The following ZNF385D variants were observed in gnomAD, a reference collection of about 807,000 sequenced individuals.
The protein encoded by ZNF385D is zinc finger protein 385D, also known as zinc finger protein 659.
Under a neutral mutation model 35.8 loss-of-function variants are expected in ZNF385D, and 15 were observed. That is an observed-to-expected ratio of 0.42 (90% CI 0.28 to 0.64). The LOEUF (loss-of-function observed/expected upper bound fraction) is 0.64, where lower values mean the gene tolerates loss of function less well. Among genes scored for constraint, ZNF385D ranks in the 30% least tolerant of loss-of-function variants. The probability of loss-of-function intolerance (pLI) is 0.23; values close to 1 mark genes in which losing one functional copy is unlikely to be tolerated. For synonymous variants in ZNF385D, 212 were observed against 186.8 expected (o/e 1.13, Z -1.10); for missense variants, 474 against 494.6 (o/e 0.96, Z 0.39).
chr3:21,633,309 G>C (rs1224990969), intron 2 of ZNF385D, among the ~76,000 whole-genome samples: 3 of 151,928 alleles, frequency 2.0e-5, no homozygotes, highest in Admixed American at 6.6e-5. Context: ...CCAAATTATT[G>C]TGTATGTCAA....
intron 4 of ZNF385D, among the ~76,000 whole-genome samples, chr3:21,453,219 A>C (rs1044036227): frequency 1.3e-4 from 20 of 151,920 alleles, no homozygotes; most frequent in African/African-American, 4.6e-4. Context: ...CATGTCATTC[A>C]AAATGGATCA....
intron 2 of ZNF385D, among the ~76,000 whole-genome samples, chr3:22,350,356 G>T (rs574027520): frequency 6.6e-6 from 1 of 152,178 alleles, no homozygotes; most frequent in East Asian, 1.9e-4. Context: ...TAACCCTTTA[G>T]GATGGGATTA....
In ZNF385D at chr3:22,242,435, T is replaced by C. The variant is rs186844461; in HGVS notation, c.107-73400A>G. ...TTAACATCACCAGTAATAAGTTTTATGGATATCACGTAAACCCTGAAATGA... is the reference window on the plus strand; with the variant it reads ...TTAACATCACCAGTAATAAGTTTTACGGATATCACGTAAACCCTGAAATGA... On this transcript the variant is annotated intron_variant, in intron 2 of 5. Transcript: ENST00000494108. Among the ~76,000 whole-genome samples, 96 of 151,000 alleles carry C rather than the reference T, an allele frequency of 6.4e-4. 2 individuals carry two copies. The highest frequency in any genetic ancestry group is 1.4e-3 in the Admixed American group (21 of 15,146).
chr3:22,105,261 G>A (rs1314404005), intron 3 of ZNF385D, among the ~76,000 whole-genome samples: 1 of 150,270 alleles, frequency 6.7e-6, no homozygotes, highest in Admixed American at 6.6e-5. Flanking sequence ...GCCAAATAGT[G>A]TACATTTAAC....
chr3:21,790,120 G>T (rs2071866636), intron 3 of ZNF385D, among the ~76,000 whole-genome samples: 1 of 151,954 alleles, frequency 6.6e-6, no homozygotes, highest in Non-Finnish European at 1.5e-5. Context: ...TGGATAAAAA[G>T]ACTTTGGGAG....
At chr3:21,681,673 C>A in intron 1 of ZNF385D, among the ~76,000 whole-genome samples, 1 of 125,486 alleles carries the variant, frequency 8.0e-6, no homozygotes, top group African/African-American at 3.0e-5. Context: ...TAAAAGAATC[C>A]AGACTAAGAA....
intron 1 of ZNF385D, among the ~76,000 whole-genome samples, chr3:21,710,675 T>C (rs2068068131): frequency 1.3e-5 from 2 of 152,274 alleles, no homozygotes; most frequent in South Asian, 4.1e-4. Context: ...CAAAAAAGGA[T>C]CTATGATAAT....
intron 3 of ZNF385D, among the ~76,000 whole-genome samples, chr3:22,137,358 G>A (rs1272944418): frequency 3.3e-5 from 5 of 151,990 alleles, no homozygotes; most frequent in African/African-American, 1.2e-4. Flanking sequence ...ACATGGCAGA[G>A]ACACAACAAA....
At chr3:22,184,273 C>T (rs534338281) in intron 2 of ZNF385D, among the ~76,000 whole-genome samples, 2 of 151,820 alleles carry the variant, frequency 1.3e-5, no homozygotes, top group South Asian at 2.1e-4. Context: ...TGATATTTCA[C>T]ACTCATGTTC....
intron 3 of ZNF385D, among the ~76,000 whole-genome samples, chr3:21,967,912 G>T (rs905579080): frequency 6.6e-6 from 1 of 152,152 alleles, no homozygotes; most frequent in Admixed American, 6.5e-5. Flanking sequence ...CTAAAAATCA[G>T]GTGAGCAATC....
intron 3 of ZNF385D, among the ~76,000 whole-genome samples, chr3:22,048,008 C>G (rs568571199): frequency 6.6e-6 from 1 of 152,206 alleles, no homozygotes; most frequent in Admixed American, 6.5e-5. Flanking sequence ...TGATGCTGAA[C>G]AGTTTTCATT....
intron 2 of ZNF385D, among the ~76,000 whole-genome samples, chr3:22,323,996 A>T (rs895146962): frequency 2.0e-5 from 3 of 152,324 alleles, no homozygotes; most frequent in Non-Finnish European, 4.4e-5. Context: ...CAATATTAGG[A>T]TAACCTAATT....
chr3:22,360,594 CTGTT>C (rs558937073), intron 2 of ZNF385D, among the ~76,000 whole-genome samples: 7 of 152,076 alleles, frequency 4.6e-5, no homozygotes, highest in East Asian at 1.9e-4. Flanking sequence ...AGATTCATGG[CTGTT>C]TATTTCAGTA....
intron 1 of ZNF385D, among the ~76,000 whole-genome samples, chr3:21,698,516 C>T (rs62237451): frequency 6.6e-6 from 1 of 151,858 alleles, no homozygotes; most frequent in Non-Finnish European, 1.5e-5. Flanking sequence ...GTGTTCACTA[C>T]TTGGTTGATG....
At chr3:22,146,147 A>T (rs1704839233) in intron 3 of ZNF385D, among the ~76,000 whole-genome samples, 1 of 152,206 alleles carries the variant, frequency 6.6e-6, no homozygotes, top group Non-Finnish European at 1.5e-5. Flanking sequence ...AGAAAGGATT[A>T]ATTAGTCTAA....
intron 2 of ZNF385D, among the ~76,000 whole-genome samples, chr3:21,571,990 G>T (rs1461376916): frequency 6.6e-6 from 1 of 152,126 alleles, no homozygotes; most frequent in Non-Finnish European, 1.5e-5. Context: ...ATCTAGGCAT[G>T]ATTGACTGAA....
intron 2 of ZNF385D, among the ~76,000 whole-genome samples, chr3:21,639,502 CTTT>C (rs920927942): frequency 1.3e-5 from 2 of 150,906 alleles, no homozygotes; most frequent in African/African-American, 4.9e-5. Context: ...ATGAGCTCTT[CTTT>C]ATGTCATTAA....
chr3:22,115,204 G>A (rs776742859), intron 3 of ZNF385D, among the ~76,000 whole-genome samples: 22 of 152,022 alleles, frequency 1.4e-4, no homozygotes, highest in Non-Finnish European at 2.2e-4. Flanking sequence ...ACTGATCACC[G>A]AGCAGATTTG....
intron 2 of ZNF385D, among the ~76,000 whole-genome samples, chr3:21,599,172 T>C (rs976370780): frequency 2.0e-5 from 3 of 152,198 alleles, no homozygotes; most frequent in Admixed American, 6.5e-5. Flanking sequence ...TCCAGTCCTC[T>C]CGGCAAACAG....
Sources: allele counts gnomAD v4.1 joint callset (sites outside exome capture counted in the v4.1 genomes callset), GRCh38; gene constraint gnomAD v4.1.1; transcripts MANE v1.5; gene names NCBI Gene and HGNC (gene_info 2026-07-23, HGNC 2026-07-21).